Variants in PRKN observed in about 807,000 individuals in gnomAD.
PRKN encodes parkin RBR E3 ubiquitin protein ligase, also known as E3 ubiquitin-protein ligase parkin.
Under a neutral mutation model 59.5 loss-of-function variants are expected in PRKN, and 56 were observed. The observed-to-expected ratio is 0.94, with a 90% CI of 0.76 to 1.18. PRKN has a LOEUF of 1.18. PRKN is among the 50% of genes most tolerant of loss of function. The pLI is 0.00. For synonymous variants in PRKN, 250 were observed against 222.1 expected, an observed-to-expected ratio of 1.13 and a Z score of -1.12; for missense variants, 657 against 596.4, an observed-to-expected ratio of 1.10 and a Z score of -1.06.
At chr6:161,842,022 C>A (rs1307840006) in intron 6 of PRKN, among the ~76,000 whole-genome samples, 1 of 152,072 alleles carries the variant, frequency 6.6e-6, no homozygotes, top group African/African-American at 2.4e-5. Context: ...TTAACAAGTG[C>A]CAGGAATAAT....
rs552315180 is a variant in PRKN at position 161,875,367 on chromosome 6, T to C, written c.735-89459A>G. Among the ~76,000 whole-genome samples, 7 of 151,422 alleles carry C rather than the reference T, an allele frequency of 4.6e-5. No individual in the cohort carries two copies. The East Asian group carries it at 1.4e-3, about 29-fold the overall frequency. On this transcript the variant is annotated intron_variant, in intron 6 of 11. Coordinates refer to ENST00000366898, the MANE Select transcript of PRKN (RefSeq NM_004562.3). ...AGCCATCACACCTGGCTAATTTTTG[T>C]ATTTTTTGTAGAGACGGGGTTTCAT...
intron 1 of PRKN, among the ~76,000 whole-genome samples, chr6:162,486,969 CT>C (rs796499984): frequency 3.9e-5 from 6 of 152,062 alleles, no homozygotes; most frequent in African/African-American, 1.4e-4. Flanking sequence ...ACTCGGGAGG[CT>C]GAGGCAGGAG....
chr6:161,804,423 A>G (rs9458381), intron 6 of PRKN, among the ~76,000 whole-genome samples: 4,326 of 152,238 alleles, frequency 0.028, 206 homozygotes, highest in African/African-American at 0.1. Flanking sequence ...GGAGGAAGGC[A>G]AGGCTGGTGG....
At chr6:162,469,924 G>A in intron 1 of PRKN, among the ~76,000 whole-genome samples, 1 of 152,166 alleles carries the variant, frequency 6.6e-6, no homozygotes, top group East Asian at 1.9e-4. Flanking sequence ...TGGTAGAGAA[G>A]GAGGGAGCTA....
chr6:161,737,375 A>G (rs1656175912), intron 7 of PRKN, among the ~76,000 whole-genome samples: 2 of 152,210 alleles, frequency 1.3e-5, no homozygotes, highest in Admixed American at 6.5e-5. Flanking sequence ...ACAGAACATG[A>G]ATGAAGAGCA....
intron 2 of PRKN, among the ~76,000 whole-genome samples, chr6:162,359,384 G>T (rs112880618): frequency 1.3e-5 from 2 of 151,882 alleles, no homozygotes; most frequent in African/African-American, 2.4e-5. Flanking sequence ...GGTGGAAAAT[G>T]GGGCTGACAG....
chr6:162,641,296 G>A (rs926243654), intron 1 of PRKN, among the ~76,000 whole-genome samples: 2 of 144,064 alleles, frequency 1.4e-5, no homozygotes, highest in Non-Finnish European at 3.1e-5. Flanking sequence ...TAATCTTTAT[G>A]AGGCCCCCTC....
chr6:161,671,986 C>T (rs994633629), intron 7 of PRKN, among the ~76,000 whole-genome samples: 1 of 152,254 alleles, frequency 6.6e-6, no homozygotes, highest in East Asian at 1.9e-4. Context: ...CTCATGAACT[C>T]GATAGAGTTC....
chr6:161,861,780 T>C (rs1223998666), intron 6 of PRKN, among the ~76,000 whole-genome samples: 1 of 152,158 alleles, frequency 6.6e-6, no homozygotes, highest in Non-Finnish European at 1.5e-5. Context: ...AAAAACCTGA[T>C]AGTAATTGAA....
At chr6:162,725,309 T>C (rs554312412) in intron 1 of PRKN, among the ~76,000 whole-genome samples, 4 of 152,364 alleles carry the variant, frequency 2.6e-5, no homozygotes, top group Non-Finnish European at 4.4e-5. Flanking sequence ...GATCACTGGA[T>C]AAAGTCTATA....
chr6:162,232,817 T>C (rs1778479918), intron 3 of PRKN, among the ~76,000 whole-genome samples: 1 of 152,166 alleles, frequency 6.6e-6, no homozygotes, highest in Non-Finnish European at 1.5e-5. Context: ...TGCCAGTATC[T>C]GCACAAAGCG....
At chr6:161,807,855 C>T (rs540929755) in intron 6 of PRKN, among the ~76,000 whole-genome samples, 1 of 152,346 alleles carries the variant, frequency 6.6e-6, no homozygotes, top group East Asian at 1.9e-4. Flanking sequence ...TCCAAATAAA[C>T]TGCCACTCAC....
intron 9 of PRKN, among the ~76,000 whole-genome samples, chr6:161,501,405 A>C (rs1489944006): frequency 6.6e-6 from 1 of 152,112 alleles, no homozygotes; most frequent in Non-Finnish European, 1.5e-5. Context: ...GCTTTTTTGC[A>C]TCTGTATATC....
chr6:162,517,691 T>C (rs577490566), intron 1 of PRKN, among the ~76,000 whole-genome samples: 2 of 152,160 alleles, frequency 1.3e-5, no homozygotes, highest in Non-Finnish European at 2.9e-5. Context: ...GCAAGCACCA[T>C]GCCTACTACA....
intron 9 of PRKN, among the ~76,000 whole-genome samples, chr6:161,392,972 A>G (rs1055844922): frequency 2.6e-4 from 40 of 152,120 alleles, no homozygotes; most frequent in African/African-American, 8.9e-4. Flanking sequence ...GAAATCGTGT[A>G]CTAGATCTTT....
At chr6:162,110,918 CA>C (rs1780402825) in intron 4 of PRKN, among the ~76,000 whole-genome samples, 1 of 152,030 alleles carries the variant, frequency 6.6e-6, no homozygotes, top group Non-Finnish European at 1.5e-5. Context: ...TGAGACATCC[CA>C]AAAAAGGACT....
Position 162,356,747 on chromosome 6 carries a change from TAAAAA to T in PRKN, c.171+86558_171+86562del, listed in dbSNP as rs748212596. Among the ~76,000 whole-genome samples, 426 of 73,052 alleles carry T rather than the reference TAAAAA, an allele frequency of 5.8e-3. 2 individuals are homozygous for T. Among genetic ancestry groups the T allele is most frequent in the South Asian group, 0.014 (30 of 2,116 alleles). 47.9% of individuals were successfully genotyped at this position (73,052 alleles called of 152,430 possible). On this transcript the variant is annotated intron_variant, in intron 2 of 11. Coordinates refer to ENST00000366898, the MANE Select transcript of PRKN (RefSeq NM_004562.3). ...CACAGTAATAAAGTGTGATTATTAG[TAAAAA>T]AAAAAAAAAAAAAAAAAAGATAAGA... is the stretch of plus-strand genomic sequence containing the variant.
intron 5 of PRKN, among the ~76,000 whole-genome samples, chr6:161,998,188 T>C (rs1781916636): frequency 6.6e-6 from 1 of 152,100 alleles, no homozygotes. Flanking sequence ...AGTAACTATA[T>C]CACTTTTGGA....
intron 1 of PRKN, among the ~76,000 whole-genome samples, chr6:162,581,793 G>T (rs1028371574): frequency 6.6e-6 from 1 of 152,142 alleles, no homozygotes; most frequent in Middle Eastern, 3.2e-3. Context: ...GATTTTAAGA[G>T]TTTTTCTCAA....
Sources: allele counts gnomAD v4.1 joint callset (sites outside exome capture counted in the v4.1 genomes callset), GRCh38; gene constraint gnomAD v4.1.1; transcripts MANE v1.5; gene names NCBI Gene and HGNC (gene_info 2026-07-23, HGNC 2026-07-21).